RIC1: variants seen among roughly 807,000 people sequenced by gnomAD.
The protein encoded by RIC1 is guanine nucleotide exchange factor subunit RIC1.
Under a neutral mutation model 169.0 loss-of-function variants are expected in RIC1, and 88 were observed. The ratio of observed to expected loss-of-function variants is 0.52; its 90% CI spans 0.44 to 0.62. The LOEUF (loss-of-function observed/expected upper bound fraction) is 0.62, where lower values mean the gene tolerates loss of function less well. Among genes scored for constraint, RIC1 ranks in the 20% least tolerant of loss-of-function variants. RIC1 has a pLI of 0.00. For missense variants in RIC1, 1,877 were observed against 1,725.5 expected, an observed-to-expected ratio of 1.09 and a Z score of -1.56; for synonymous variants, 790 against 601.5, an observed-to-expected ratio of 1.31 and a Z score of -4.59.
At position 5,765,566 on chromosome 9, in the gene RIC1, A is replaced by G. The variant is rs1563720005; in HGVS notation, c.2994A>G (p.Thr998=). The G allele has an allele frequency of 6.2e-7, 1 of 1,614,070 alleles. No homozygotes were observed. Among genetic ancestry groups the G allele is most frequent in the Non-Finnish European group, 8.5e-7 (1 of 1,179,942 alleles). Residue 998 remains threonine (T), a synonymous_variant, in exon 20 of 26, where the codon ACA becomes ACG. Transcript: ENST00000414202. The stretch of plus-strand genomic sequence containing the variant: ...CTGAGACACCTCCATCCACACCCAC[A>G]GCTCAGGTTAGTTGCAAAAGTTACA... ...GESETPPSTP[T]AQEPSSSGGF...
intron 1 of RIC1, among the ~76,000 whole-genome samples, chr9:5,649,542 A>G (rs1818692105): frequency 1.3e-5 from 2 of 151,662 alleles, no homozygotes; most frequent in African/African-American, 2.4e-5. Flanking sequence ...CTTTTTTATG[A>G]TATCTATCTT....
chr9:5,763,992 C>T lies in RIC1; in HGVS notation c.2841+124C>T, dbSNP rs775430270. 1.9e-6 allele frequency: 2 copies of T among 1,080,896 alleles called. No homozygotes were observed. Among genetic ancestry groups the T allele is most frequent in the Non-Finnish European group, 1.3e-6 (1 of 758,812 alleles). 67.0% of individuals were successfully genotyped at this position (1,080,896 alleles called of 1,614,324 possible). A position where few individuals can be genotyped will look rare whatever the true frequency, so the allele number is the denominator to read the frequency against. On this transcript the variant is annotated intron_variant, in intron 19 of 25. Coordinates refer to ENST00000414202, the MANE Select transcript of RIC1 (RefSeq NM_020829.4). This position sits in a 1 kb window ranked among gnomAD's most constrained non-coding sequence, Gnocchi z 5.2. Reference sequence around the variant, plus strand: ...TCATAGTCAAATTTTCTGTTTATATCTTTAATTTGGAAGAATTCAGACAGA... The same window carrying T: ...TCATAGTCAAATTTTCTGTTTATATTTTTAATTTGGAAGAATTCAGACAGA...
rs139921888 is a variant in RIC1, at chr9:5,631,358, A to T, written c.144+1905A>T. Among the ~76,000 whole-genome samples the T allele has an allele frequency of 2.4e-3, 370 of 152,262 alleles. 2 individuals carry two copies. Among genetic ancestry groups the T allele is most frequent in the Middle Eastern group, 0.014 (4 of 294 alleles). Reference sequence around the variant, plus strand: ...CCCATGGGTTTAGAGGTCTGGAGTGAAATGAAATGCAGGAATACCTTAGAG... The same window carrying T: ...CCCATGGGTTTAGAGGTCTGGAGTGTAATGAAATGCAGGAATACCTTAGAG... On this transcript the variant is annotated intron_variant, in intron 1 of 25. Coordinates refer to ENST00000414202, the MANE Select transcript of RIC1 (RefSeq NM_020829.4).
At chr9:5,635,856 G>T (rs960305124) in intron 1 of RIC1, among the ~76,000 whole-genome samples, 2 of 152,116 alleles carry the variant, frequency 1.3e-5, no homozygotes, top group African/African-American at 4.8e-5. Context: ...TTCCCCTTCT[G>T]CCATGATTGT....
At chr9:5,630,966 A>G (rs1204197041) in intron 1 of RIC1, among the ~76,000 whole-genome samples, 2 of 152,356 alleles carry the variant, frequency 1.3e-5, no homozygotes, top group African/African-American at 4.8e-5. Context: ...TTTTGAATGT[A>G]ACAAATTTAG....
At chr9:5,644,316 G>A (rs769178285) in intron 1 of RIC1, among the ~76,000 whole-genome samples, 2 of 152,060 alleles carry the variant, frequency 1.3e-5, no homozygotes, top group African/African-American at 2.4e-5. Flanking sequence ...GAATCATATG[G>A]TATATGGTCA....
intron 2 of RIC1, among the ~76,000 whole-genome samples, chr9:5,685,171 G>T (rs1427535328): frequency 6.6e-6 from 1 of 150,590 alleles, no homozygotes; most frequent in African/African-American, 2.4e-5. Flanking sequence ...TGGGTAGGAA[G>T]AATCAATATC....
intron 6 of RIC1, among the ~76,000 whole-genome samples, 153 bp downstream of exon 6, chr9:5,720,903 A>G (rs562983033): frequency 6.6e-6 from 1 of 152,216 alleles, no homozygotes; most frequent in East Asian, 1.9e-4. Context: ...TAAGTAGACA[A>G]AATTCTCTTG....
rs545406349 is a variant in RIC1 at position 5,764,894 on chromosome 9, A to G, written c.2842-520A>G. ...GTCTATTAGGCACCTTTCCATAAAG[A>G]CCAAGATAGGCAGGTTAAATTTGTG... is the stretch of plus-strand genomic sequence containing the variant. On this transcript the variant is annotated intron_variant, in intron 19 of 25. Transcript: ENST00000414202. Among the ~76,000 whole-genome samples the G allele has an allele frequency of 1.2e-4, 18 of 152,354 alleles. No individual in the cohort carries two copies. In the South Asian group the frequency reaches 2.3e-3, roughly 19 times the overall value.
intron 4 of RIC1, among the ~76,000 whole-genome samples, chr9:5,718,045 C>T (rs1477880299): frequency 7.3e-6 from 1 of 136,986 alleles, no homozygotes; most frequent in Admixed American, 8.6e-5. Context: ...GAGGCTGAGG[C>T]AGGAGAATCA....
chr9:5,729,151 C>T (rs958633081), intron 6 of RIC1, among the ~76,000 whole-genome samples: 5 of 152,154 alleles, frequency 3.3e-5, no homozygotes, highest in African/African-American at 1.2e-4. Context: ...CTAGCGGGTC[C>T]AAATTCAAGA....
Position 5,772,720 on chromosome 9 carries a change from A to G in RIC1, c.3773A>G (p.His1258Arg), listed in dbSNP as rs777161001. Reference sequence around the variant, plus strand: ...ATGGAGTTGGCCAGTAAAGGGCCTCATAAATCCCAGGTCCAGCTTCGGTGA... The same window carrying G: ...ATGGAGTTGGCCAGTAAAGGGCCTCGTAAATCCCAGGTCCAGCTTCGGTGA... ...ISMELASKGP[H>R]KSQVQLRYLL... Residue 1258 changes from histidine (H) to arginine (R), a missense_variant, in exon 24 of 26, where the codon CAT (histidine) becomes CGT (arginine). Coordinates refer to ENST00000414202, the MANE Select transcript of RIC1 (RefSeq NM_020829.4). The G allele has an allele frequency of 6.2e-7, 1 of 1,608,298 alleles. No individual in the cohort carries two copies. The highest frequency in any genetic ancestry group is 1.7e-5 in the Admixed American group (1 of 58,464).
intron 1 of RIC1, among the ~76,000 whole-genome samples, chr9:5,648,333 C>T (rs1818634729): frequency 6.6e-6 from 1 of 151,984 alleles, no homozygotes; most frequent in Non-Finnish European, 1.5e-5. Flanking sequence ...AGATAGTTTG[C>T]TTCTATTCAT....
intron 1 of RIC1, among the ~76,000 whole-genome samples, chr9:5,634,376 C>T (rs564974680): frequency 2.0e-5 from 3 of 152,188 alleles, no homozygotes; most frequent in East Asian, 1.9e-4. Flanking sequence ...CTTTTCTCCA[C>T]GTCTTTGCCG....
chr9:5,648,143 C>T (rs543353379), intron 1 of RIC1, among the ~76,000 whole-genome samples: 31 of 151,970 alleles, frequency 2.0e-4, no homozygotes, highest in African/African-American at 5.6e-4. Flanking sequence ...CCACCATACC[C>T]GACTAATTTC....
At chr9:5,739,919 C>T (rs1026144302) in intron 8 of RIC1, among the ~76,000 whole-genome samples, 15 of 152,144 alleles carry the variant, frequency 9.9e-5, no homozygotes, top group African/African-American at 3.6e-4. Flanking sequence ...GCTGTGCATG[C>T]ACCTTTTGTT....
chr9:5,649,352 A>C (rs2130386438), intron 1 of RIC1, among the ~76,000 whole-genome samples: 1 of 152,244 alleles, frequency 6.6e-6, no homozygotes, highest in African/African-American at 2.4e-5. Flanking sequence ...AGATCACTTT[A>C]TGGTGTCCCA....
intron 12 of RIC1, 110 bp from the exon 13 acceptor site, chr9:5,753,090 G>T: frequency 1.1e-6 from 1 of 881,272 alleles, no homozygotes. Context: ...CTAACTAGGG[G>T]GCACCTTAAA....
Position 5,769,095 on chromosome 9 carries a change from T to C in RIC1, c.3263T>C (p.Phe1088Ser). 1 of 1,614,120 alleles carries C rather than the reference T, an allele frequency of 6.2e-7. No homozygotes were observed. Among genetic ancestry groups the C allele is most frequent in the Non-Finnish European group, 8.5e-7 (1 of 1,179,988 alleles). The change falls in exon 22 of 26, where the codon TTT (phenylalanine) becomes TCT (serine). Residue 1088 changes from phenylalanine (F) to serine (S), a missense_variant. Phe to Ser is a radical substitution (Grantham distance 155). Coordinates refer to ENST00000414202, the MANE Select transcript of RIC1 (RefSeq NM_020829.4). ...GGCTGCTTTGCAGCCCAGCTGGGCT[T>C]TGAACTAATTAGTTGGCTATGCAAG... ...DLGCFAAQLG[F>S]ELISWLCKER...
Sources: allele counts gnomAD v4.1 joint callset (sites outside exome capture counted in the v4.1 genomes callset), GRCh38; gene constraint gnomAD v4.1.1; non-coding constraint Gnocchi (gnomAD v3.1); transcripts MANE v1.5; gene names NCBI Gene and HGNC (gene_info 2026-07-23, HGNC 2026-07-21).